NHS: variants seen among roughly 807,000 people sequenced by gnomAD.
NHS encodes the protein NHS actin remodeling regulator, also known as actin remodeling regulator NHS.
Under a neutral mutation model 72.5 loss-of-function variants are expected in NHS, and 5 were observed. The ratio of observed to expected loss-of-function variants is 0.07; its 90% CI spans 0.04 to 0.14. The LOEUF is 0.14. NHS is among the 10% of genes least tolerant of loss of function. The pLI, the probability that NHS is intolerant of heterozygous loss-of-function variation, is 1.00. For missense variants in NHS, 1,072 were observed against 1,355.7 expected (o/e 0.79, Z 3.29); for synonymous variants, 464 against 547.7 (o/e 0.85, Z 2.13).
chrX:17,585,850 G>A (rs1283116190), intron 1 of NHS: 2 of 108,552 alleles, frequency 1.8e-5, no homozygotes, highest in African/African-American at 6.7e-5. Context: ...TTTTTATGAA[G>A]TGAAAAAAAG....
At chrX:17,494,357 GA>G (rs1310613335) in intron 1 of NHS, among the ~76,000 whole-genome samples, 2 of 111,768 alleles carry the variant, frequency 1.8e-5, no homozygotes, top group Non-Finnish European at 3.8e-5. Context: ...GGGATTACAG[GA>G]ATGAGCCACT....
intron 1 of NHS, among the ~76,000 whole-genome samples, chrX:17,402,117 T>G (rs1234799738): frequency 9.0e-6 from 1 of 111,252 alleles, no homozygotes; most frequent in Non-Finnish European, 1.9e-5. Context: ...GCAATGCAAA[T>G]CAAAACCACA....
chrX:17,575,380 G>C (rs2065505049), intron 1 of NHS, among the ~76,000 whole-genome samples: 1 of 112,582 alleles, frequency 8.9e-6, no homozygotes, highest in Non-Finnish European at 1.9e-5. Flanking sequence ...TACATCACCA[G>C]TTTTTAAAAT....
intron 1 of NHS, among the ~76,000 whole-genome samples, chrX:17,607,495 G>A (rs139535185): frequency 0.019 from 2,124 of 111,709 alleles, 49 homozygotes; most frequent in African/African-American, 0.066. Context: ...TAAGGAAAGA[G>A]GAGGAAGGAG....
intron 1 of NHS, among the ~76,000 whole-genome samples, chrX:17,603,375 T>C (rs772999640): frequency 8.9e-6 from 1 of 112,528 alleles, no homozygotes; most frequent in Non-Finnish European, 1.9e-5. Flanking sequence ...TCCTTCTTTC[T>C]GAAGAGTGAA....
intron 1 of NHS, among the ~76,000 whole-genome samples, chrX:17,531,456 T>C (rs1043988378): frequency 9.0e-6 from 1 of 111,682 alleles, no homozygotes; most frequent in Admixed American, 9.5e-5. Context: ...AGCCCCATCT[T>C]CTCCTGCAGC....
intron 1 of NHS, among the ~76,000 whole-genome samples, chrX:17,447,761 ACACACACACACG>A (rs1165118088): frequency 3.1e-5 from 3 of 96,557 alleles, no homozygotes; most frequent in South Asian, 4.8e-4. Flanking sequence ...TTGGCCACAC[ACACACACACACG>A]CACACACACA....
chrX:17,578,893 G>A (rs762603152), intron 1 of NHS, among the ~76,000 whole-genome samples: 10 of 111,628 alleles, frequency 9.0e-5, no homozygotes, highest in Non-Finnish European at 1.7e-4. Context: ...TGTTTGAAGC[G>A]CTTTATTGGA....
At chrX:17,492,152 T>C (rs905382813) in intron 1 of NHS, among the ~76,000 whole-genome samples, 2 of 111,717 alleles carry the variant, frequency 1.8e-5, no homozygotes, top group Non-Finnish European at 3.8e-5. Context: ...GCTCTGATCT[T>C]AATTATTTCT....
chrX:17,617,590 C>T (rs1241362624), intron 1 of NHS, among the ~76,000 whole-genome samples: 2 of 112,150 alleles, frequency 1.8e-5, no homozygotes, highest in Non-Finnish European at 3.8e-5. Context: ...GATGTGTCAC[C>T]TAAGCCAGTA....
chrX:17,449,820 C>G (rs764280653), intron 1 of NHS, among the ~76,000 whole-genome samples: 1 of 111,656 alleles, frequency 9.0e-6, no homozygotes, highest in South Asian at 3.8e-4. Flanking sequence ...TTTTATTGCT[C>G]TTAATTTCAT....
chrX:17,696,662 T>C (rs1419092010), intron 3 of NHS, among the ~76,000 whole-genome samples: 1 of 112,002 alleles, frequency 8.9e-6, no homozygotes, highest in Non-Finnish European at 1.9e-5. Flanking sequence ...AGTAGCCTGT[T>C]TGAGGCAATT....
chrX:17,598,604 C>G (rs60041597), intron 1 of NHS, among the ~76,000 whole-genome samples: 5,525 of 111,458 alleles, frequency 0.05, 269 homozygotes, highest in African/African-American at 0.14. Flanking sequence ...TAAGGGCATA[C>G]AGGTGAAAAA....
intron 1 of NHS, chrX:17,635,639 G>A (rs1193768143): frequency 8.8e-7 from 1 of 1,141,702 alleles, no homozygotes; most frequent in South Asian, 1.9e-5. Flanking sequence ...AAGACAAAGG[G>A]GAGGGGGAGG....
At chrX:17,389,616 T>TA (rs201730792) in intron 1 of NHS, among the ~76,000 whole-genome samples, 2 of 109,010 alleles carry the variant, frequency 1.8e-5, no homozygotes, top group African/African-American at 3.4e-5. Flanking sequence ...TTTATTTATT[T>TA]TTTGAGACAG....
In NHS at chrX:17,450,951, C is replaced by G. The variant is rs113912927; in HGVS notation, c.565+74629C>G. On this transcript the variant is annotated intron_variant, in intron 1 of 8. Transcript: ENST00000676302. The stretch of plus-strand genomic sequence containing the variant: ...CAGCTGTCTTTATACAAGCTAGACC[C>G]GCCCCATTCAGCCGCTAGCAAAAGA... Among the ~76,000 whole-genome samples, 195 of 111,583 alleles carry G rather than the reference C, an allele frequency of 1.7e-3. 3 individuals carry two copies. The highest frequency in any genetic ancestry group is 6.0e-3 in the African/African-American group (183 of 30,729).
chrX:17,615,225 C>CGTATATAT (rs1569294224), intron 1 of NHS, among the ~76,000 whole-genome samples: 1 of 91,355 alleles, frequency 1.1e-5, no homozygotes, highest in African/African-American at 4.7e-5. Context: ...CGTATATATA[C>CGTATATAT]ACATATATAT....
At chrX:17,676,640 C>T (rs1601830325) in intron 1 of NHS, among the ~76,000 whole-genome samples, 1 of 112,733 alleles carries the variant, frequency 8.9e-6, no homozygotes, top group East Asian at 2.8e-4. Flanking sequence ...GCAACACTGA[C>T]AGTGTCTCTT....
chrX:17,467,255 G>GA (rs910149400), intron 1 of NHS, among the ~76,000 whole-genome samples: 6 of 111,931 alleles, frequency 5.4e-5, no homozygotes, highest in African/African-American at 1.9e-4. Context: ...TCCAAAAAAA[G>GA]AAAAAAAGAC....
Sources: allele counts gnomAD v4.1 joint callset (sites outside exome capture counted in the v4.1 genomes callset), GRCh38; gene constraint gnomAD v4.1.1; transcripts MANE v1.5; gene names NCBI Gene and HGNC (gene_info 2026-07-23, HGNC 2026-07-21).